Variants in LRP3 observed in about 807,000 individuals in gnomAD.
LRP3 encodes the protein low-density lipoprotein receptor-related protein 3.
A neutral mutation model predicts 58.5 loss-of-function variants in LRP3; 49 were observed. The ratio of observed to expected loss-of-function variants is 0.84; its 90% CI spans 0.67 to 1.06. LRP3 has a LOEUF of 1.06. Ranked by LOEUF, LRP3 falls within the 50% of genes least tolerant of loss-of-function variation. The pLI is 0.00. For missense variants in LRP3, 1,019 were observed against 1,134.2 expected, an observed-to-expected ratio of 0.90 and a Z score of 1.46; for synonymous variants, 485 against 492.2, an observed-to-expected ratio of 0.99 and a Z score of 0.20.
At position 33,195,774 on chromosome 19, in the gene LRP3, C is replaced by G. The variant is rs1183033282; in HGVS notation, c.73+916C>G. ...GGGAGCATTGAGGGTGTAACCCCAGCGCGCCCACCCCAACCTCAGTGCGGG... is the reference window on the plus strand; with the variant it reads ...GGGAGCATTGAGGGTGTAACCCCAGGGCGCCCACCCCAACCTCAGTGCGGG... On this transcript the variant is annotated intron_variant, in intron 1 of 6. Transcript: ENST00000253193. Among the ~76,000 whole-genome samples, 6 of 152,326 alleles carry G rather than the reference C, an allele frequency of 3.9e-5. 1 individual carries two copies. In the South Asian group the frequency reaches 1.2e-3, roughly 32 times the overall value.
rs930700729 is a variant in LRP3, at chr19:33,205,095, C to T, written c.476-151C>T. On this transcript the variant is annotated intron_variant, in intron 4 of 6. Transcript: ENST00000253193. ...GGGAACTCACCCCTAACCCCAGGCTCAGGTCAGGGACAGAGCCCACCCTGG... is the reference window on the plus strand; with the variant it reads ...GGGAACTCACCCCTAACCCCAGGCTTAGGTCAGGGACAGAGCCCACCCTGG... 57 of 893,340 alleles carry T rather than the reference C, an allele frequency of 6.4e-5. No homozygotes were observed. In the African/African-American group the frequency reaches 8.4e-4, roughly 13 times the overall value. The allele number at this position is 893,340 out of a possible 1,614,324, so 55.3% of individuals were successfully genotyped here.
Position 33,206,096 on chromosome 19 carries a change from C to T in LRP3, c.1326C>T (p.Ser442=). 1.2e-6 allele frequency: 2 copies of T among 1,609,662 alleles called. No homozygotes were observed. The highest frequency in any genetic ancestry group is 1.7e-6 in the Non-Finnish European group (2 of 1,178,934). ...TPADRCNNQK[S]CPDGADEKNC... Reference sequence around the variant, plus strand: ...CCGACCGCTGCAACAACCAGAAAAGCTGTCCCGACGGCGCCGACGAGAAGA... The same window carrying T: ...CCGACCGCTGCAACAACCAGAAAAGTTGTCCCGACGGCGCCGACGAGAAGA... Residue 442 remains serine, a synonymous_variant, in exon 5 of 7, where the codon AGC becomes AGT. Coordinates refer to ENST00000253193, the MANE Select transcript of LRP3 (RefSeq NM_002333.4).
At position 33,208,829 on chromosome 19, in the gene LRP3, A is replaced by C. The variant is rs1974466088; in HGVS notation, c.*1254A>C. ...AAAAACAAAACAAAACTTTTTTGCC[A>C]AAACACCTCCTCAATAAACAACATG... On this transcript the variant is annotated 3_prime_UTR_variant, in exon 7 of 7. Transcript: ENST00000253193. This position sits in a 1 kb window ranked among gnomAD's most constrained non-coding sequence, Gnocchi z 4.7. 1.2e-6 allele frequency: 2 copies of C among 1,608,808 alleles called. No individual in the cohort carries two copies. Among genetic ancestry groups the C allele is most frequent in the African/African-American group, 1.3e-5 (1 of 74,808 alleles).
intron 3 of LRP3, 62 bp from the exon 4 acceptor site, chr19:33,204,576 G>A (rs1465621030): frequency 1.6e-6 from 2 of 1,256,564 alleles, no homozygotes; most frequent in Middle Eastern, 2.6e-4. Flanking sequence ...CTCCCTGCTG[G>A]TCCTCGGCCA....
At chr19:33,200,402 T>TA (rs397956216) in intron 2 of LRP3, among the ~76,000 whole-genome samples, 1 of 151,414 alleles carries the variant, frequency 6.6e-6, no homozygotes, top group Admixed American at 6.6e-5. Context: ...TGGCTAATTT[T>TA]ATACTTTTAG....
In LRP3 at chr19:33,194,366, C is replaced by G. The variant is rs1974261356; in HGVS notation, c.-420C>G. Among the ~76,000 whole-genome samples the G allele has an allele frequency of 6.9e-6, 1 of 144,006 alleles. No homozygotes were observed. The highest frequency in any genetic ancestry group is 2.5e-5 in the African/African-American group (1 of 40,270). The allele number at this position is 144,006 out of a possible 152,430, so 94.5% of individuals were successfully genotyped here. ...GGACGCTCTACCGGCGGCACCCGGC[C>G]GGGCGGGCTGGGCGCAGCGCGGGGC... On this transcript the variant is annotated 5_prime_UTR_variant, in exon 1 of 7. Transcript: ENST00000253193.
chr19:33,202,790 T>G, intron 2 of LRP3, 58 bp from the exon 3 acceptor site: 1 of 1,523,018 alleles, frequency 6.6e-7, no homozygotes, highest in Non-Finnish European at 8.8e-7. Context: ...TTCCCCCCAC[T>G]GCAACCCGCA....
At chr19:33,201,791 AGCC>A (rs1974344030) in intron 2 of LRP3, among the ~76,000 whole-genome samples, 1 of 152,180 alleles carries the variant, frequency 6.6e-6, no homozygotes, top group African/African-American at 2.4e-5. Context: ...TGCAGGGGCC[AGCC>A]GCCTGGTCCT....
In LRP3 at chr19:33,206,035, C is replaced by T. The variant is rs757919529; in HGVS notation, c.1265C>T (p.Pro422Leu). The T allele has an allele frequency of 3.8e-6, 6 of 1,593,744 alleles. No individual in the cohort carries two copies. The highest frequency in any genetic ancestry group is 5.1e-6 in the Non-Finnish European group (6 of 1,171,142). ...GCPACPPDQYPCEGGSGLCYT... is the reference protein window; with the variant it reads ...GCPACPPDQYLCEGGSGLCYT... ...CCTGCCTGCCCGCCCGACCAGTACC[C>T]CTGCGAGGGTGGCAGTGGTCTGTGC... Residue 422 changes from proline to leucine, a missense_variant, in exon 5 of 7, where the codon CCC (proline) becomes CTC (leucine). Physicochemically the swap from Pro to Leu is moderately conservative, Grantham distance 98. Transcript: ENST00000253193.
In LRP3 at chr19:33,207,452, C is replaced by T; in HGVS notation, c.2190C>T (p.Val730=). 6.3e-7 allele frequency: 1 copy of T among 1,598,976 alleles called. No homozygotes were observed. Among genetic ancestry groups the T allele is most frequent in the Non-Finnish European group, 8.5e-7 (1 of 1,176,784 alleles). The change falls in exon 7 of 7, where the codon GTC becomes GTT. Residue 730 remains valine (V), a synonymous_variant. Transcript: ENST00000253193. ...CAGCCCAGGACCCGCACCCCCAGGT[C>T]TCCACTGCCAGCAGCACCCTGGGCC... ...PCSAQDPHPQ[V]STASSTLGPH...
chr19:33,200,096 A>C (rs1327014523), intron 2 of LRP3, among the ~76,000 whole-genome samples: 3 of 152,156 alleles, frequency 2.0e-5, no homozygotes, highest in South Asian at 4.1e-4. Context: ...AGAGGCTGAC[A>C]CTTCAGCTTA....
intron 1 of LRP3, 22 bp downstream of exon 1, chr19:33,194,880 G>T: frequency 9.1e-7 from 1 of 1,104,904 alleles, no homozygotes; most frequent in Non-Finnish European, 1.1e-6. Flanking sequence ...GCGCGGGCCG[G>T]GCAGGTCCGG....
Position 33,208,789 on chromosome 19 carries a change from CTTT to C in LRP3, c.*1220_*1222del. The C allele has an allele frequency of 6.7e-7, 1 of 1,487,514 alleles. No individual in the cohort carries two copies. The allele number at this position is 1,487,514 out of a possible 1,614,324, so 92.1% of individuals were successfully genotyped here. On this transcript the variant is annotated 3_prime_UTR_variant, in exon 7 of 7. Coordinates refer to ENST00000253193, the MANE Select transcript of LRP3 (RefSeq NM_002333.4). This position sits in a 1 kb window ranked among gnomAD's most constrained non-coding sequence, Gnocchi z 4.7. ...GGCTTCTGAGAGTCGTATCTTTTTTCTTTTTTTTCCAGAAAAAAACAAAACAAA... is the reference window on the plus strand; with the variant it reads ...GGCTTCTGAGAGTCGTATCTTTTTTCTTTTTCCAGAAAAAAACAAAACAAA...
Position 33,206,722 on chromosome 19 carries a change from A to G in LRP3, c.1714A>G (p.Ser572Gly), listed in dbSNP as rs201825280. ...IPPVEDFPVYSASQASVLQNL... is the reference protein window; with the variant it reads ...IPPVEDFPVYGASQASVLQNL... ...ACCCGTGGAGGACTTTCCTGTCTACAGTGCGTCCCAGGTGAGCCCCCGGAG... is the reference window on the plus strand; with the variant it reads ...ACCCGTGGAGGACTTTCCTGTCTACGGTGCGTCCCAGGTGAGCCCCCGGAG... The change falls in exon 6 of 7, where the codon AGT becomes GGT. Residue 572 changes from serine (S) to glycine (G), a missense_variant. Physicochemically the swap from Ser to Gly is moderately conservative, Grantham distance 56. Around this residue, in one of 2 missense-constraint regions of LRP3, gnomAD observed 427 missense variants for 408.6 expected, o/e 1.04. Coordinates refer to ENST00000253193, the MANE Select transcript of LRP3 (RefSeq NM_002333.4). The G allele has an allele frequency of 7.1e-5, 108 of 1,524,046 alleles. No individual in the cohort carries two copies. Among genetic ancestry groups the G allele is most frequent in the Non-Finnish European group, 7.0e-6 (8 of 1,136,316 alleles). The allele number at this position is 1,524,046 out of a possible 1,614,324, so 94.4% of individuals were successfully genotyped here. A position where few individuals can be genotyped will look rare whatever the true frequency, so the allele number is the denominator to read the frequency against.
chr19:33,199,266 C>T (rs1057405947), intron 2 of LRP3, among the ~76,000 whole-genome samples: 20 of 152,138 alleles, frequency 1.3e-4, no homozygotes, highest in African/African-American at 4.8e-4. Context: ...TCATTGGCAA[C>T]CCCTGACCCT....
chr19:33,205,108 G>A (rs528065597), intron 4 of LRP3, 138 bp from the exon 5 acceptor site: 2 of 1,000,490 alleles, frequency 2.0e-6, no homozygotes, highest in Admixed American at 4.6e-5. Context: ...GTCAGGGACA[G>A]AGCCCACCCT....
intron 4 of LRP3, 111 bp from the exon 5 acceptor site, chr19:33,205,135 C>T (rs998698444): frequency 1.6e-6 from 2 of 1,229,102 alleles, no homozygotes; most frequent in African/African-American, 1.5e-5. Context: ...GGAGGGGTCT[C>T]TGCTGCCACA....
chr19:33,195,056 C>G (rs1394345407), intron 1 of LRP3, among the ~76,000 whole-genome samples, 198 bp downstream of exon 1: 2 of 151,882 alleles, frequency 1.3e-5, no homozygotes, highest in African/African-American at 2.4e-5. Flanking sequence ...GGCGCAGCCC[C>G]GGCTCCCGCC....
At position 33,208,276 on chromosome 19, in the gene LRP3, C is replaced by G. The variant is rs1974452152; in HGVS notation, c.*701C>G. On this transcript the variant is annotated 3_prime_UTR_variant, in exon 7 of 7. Coordinates refer to ENST00000253193, the MANE Select transcript of LRP3 (RefSeq NM_002333.4). The surrounding 1 kb of genome is among the most constrained non-coding windows in gnomAD (Gnocchi z 4.7). ...TGGCCACGTCTGTTCCATCCTATCT[C>G]AGGGCCTCGGTTTCCCCACCTGTAA... The G allele has an allele frequency of 6.0e-6, 1 of 166,822 alleles. No individual in the cohort carries two copies. Among genetic ancestry groups the G allele is most frequent in the Admixed American group, 5.5e-5 (1 of 18,126 alleles). The allele number at this position is 166,822 out of a possible 1,614,324, so 10.3% of individuals were successfully genotyped here.
Sources: gnomAD v4.1 joint callset for allele counts (sites outside exome capture counted in the v4.1 genomes callset) on GRCh38, gnomAD v4.1.1 for gene constraint, gnomAD v4.1.1 regional missense constraint, Gnocchi (gnomAD v3.1) non-coding constraint, MANE v1.5 for transcripts, NCBI Gene and HGNC (gene_info 2026-07-23, HGNC 2026-07-21) for gene names.